HIKESHI: variants seen among roughly 807,000 people sequenced by gnomAD.
HIKESHI encodes protein Hikeshi.
A neutral mutation model predicts 25.7 loss-of-function variants in HIKESHI; 13 were observed. That is an observed-to-expected ratio of 0.51 (90% CI 0.33 to 0.80). HIKESHI has a LOEUF of 0.80. Among genes scored for constraint, HIKESHI ranks in the 30% least tolerant of loss-of-function variants. The pLI is 0.02. For missense variants in HIKESHI, 174 were observed against 229.5 expected (o/e 0.76, Z 1.56); for synonymous variants, 76 against 78.7 (o/e 0.97, Z 0.18).
chr11:86,317,670 G>A (rs1265948816), intron 2 of HIKESHI, among the ~76,000 whole-genome samples: 1 of 152,076 alleles, frequency 6.6e-6, no homozygotes, highest in Non-Finnish European at 1.5e-5. Flanking sequence ...GCTTGGTGTG[G>A]TGGTGCGCGC....
At chr11:86,309,450 T>A (rs1443331066) in intron 2 of HIKESHI, among the ~76,000 whole-genome samples, 1 of 152,166 alleles carries the variant, frequency 6.6e-6, no homozygotes, top group African/African-American at 2.4e-5. Flanking sequence ...GTTTAAGTTC[T>A]TTGTAGATTC....
intron 4 of HIKESHI, chr11:86,345,267 T>A (rs987646847): frequency 7.0e-6 from 3 of 429,228 alleles, no homozygotes; most frequent in Non-Finnish European, 6.8e-6. Context: ...ATCTGTGGAA[T>A]GAGGAAATAG....
chr11:86,307,805 A>AAAATATAATGTGTAATATACATTATAT (rs1565719720), intron 2 of HIKESHI, among the ~76,000 whole-genome samples: 12 of 116,180 alleles, frequency 1.0e-4, no homozygotes, highest in African/African-American at 4.4e-4. Flanking sequence ...TACATTATAT[A>AAAATATAATGTGTAATATACATTATAT]AAATATATAT....
intron 2 of HIKESHI, among the ~76,000 whole-genome samples, chr11:86,307,709 A>C (rs1189216368): frequency 1.0e-5 from 1 of 99,872 alleles, no homozygotes; most frequent in African/African-American, 4.2e-5. Context: ...TACATTATAT[A>C]AAATATATAT....
intron 2 of HIKESHI, among the ~76,000 whole-genome samples, chr11:86,318,951 C>G (rs180816864): frequency 1.3e-4 from 20 of 152,252 alleles, no homozygotes; most frequent in African/African-American, 4.8e-4. Context: ...GGATCTTACT[C>G]TGTTTTCCAG....
chr11:86,318,244 CA>C (rs1294780008), intron 2 of HIKESHI, among the ~76,000 whole-genome samples: 3 of 129,266 alleles, frequency 2.3e-5, no homozygotes, highest in Admixed American at 9.5e-5. Flanking sequence ...ACGGAGCTTG[CA>C]GTGAGCCAGG....
intron 2 of HIKESHI, among the ~76,000 whole-genome samples, chr11:86,317,862 A>G (rs34804864): frequency 6.6e-6 from 1 of 152,306 alleles, no homozygotes; most frequent in Admixed American, 6.5e-5. Flanking sequence ...AATGTGAAGA[A>G]CAATAACTAC....
At chr11:86,334,035 A>G (rs1187091877) in intron 2 of HIKESHI, among the ~76,000 whole-genome samples, 1 of 152,220 alleles carries the variant, frequency 6.6e-6, no homozygotes, top group Non-Finnish European at 1.5e-5. Context: ...GATGTGTTCC[A>G]TAAGACGCAT....
chr11:86,312,587 T>C (rs1396127500), intron 2 of HIKESHI, among the ~76,000 whole-genome samples: 2 of 152,214 alleles, frequency 1.3e-5, no homozygotes, highest in African/African-American at 4.8e-5. Flanking sequence ...GTGTGTGAAT[T>C]TGATCCTGTC....
intron 4 of HIKESHI, 119 bp from the exon 5 acceptor site, chr11:86,345,465 T>A (rs1947847709): frequency 1.6e-6 from 1 of 615,878 alleles, no homozygotes; most frequent in East Asian, 3.2e-5. Flanking sequence ...TCTTTTTAGA[T>A]TTTTTATAGC....
chr11:86,341,488 CT>C (rs112151717), intron 3 of HIKESHI, among the ~76,000 whole-genome samples: 206 of 142,808 alleles, frequency 1.4e-3, no homozygotes, highest in African/African-American at 4.3e-3. Flanking sequence ...TGGAATTCTC[CT>C]TTTTTTTTTT....
chr11:86,317,656 A>G (rs933290752), intron 2 of HIKESHI, among the ~76,000 whole-genome samples: 1 of 152,056 alleles, frequency 6.6e-6, no homozygotes, highest in Admixed American at 6.6e-5. Context: ...AATACAAAAA[A>G]TTAGCTTGGT....
intron 3 of HIKESHI, among the ~76,000 whole-genome samples, chr11:86,343,274 A>G (rs1434603246): frequency 6.6e-6 from 1 of 151,536 alleles, no homozygotes; most frequent in East Asian, 1.9e-4. Flanking sequence ...TTACACTTAA[A>G]AATTATTGTC....
At chr11:86,325,873 GA>G (rs35520236) in intron 2 of HIKESHI, among the ~76,000 whole-genome samples, 104,169 of 146,810 alleles carry the variant, frequency 0.71, 36,926 homozygotes, top group East Asian at 0.82. Context: ...CTCCGTCTCA[GA>G]AAAAAAAAAA....
At chr11:86,333,496 C>T (rs1947472257) in intron 2 of HIKESHI, among the ~76,000 whole-genome samples, 1 of 151,830 alleles carries the variant, frequency 6.6e-6, no homozygotes, top group African/African-American at 2.4e-5. Context: ...GATCGTCCTA[C>T]CGCACTCCAG....
intron 2 of HIKESHI, among the ~76,000 whole-genome samples, chr11:86,327,564 T>G (rs976330769): frequency 1.4e-4 from 21 of 152,146 alleles, no homozygotes; most frequent in African/African-American, 4.8e-4. Flanking sequence ...TCCACTCGCC[T>G]TGGCCTCTCA....
intron 2 of HIKESHI, among the ~76,000 whole-genome samples, chr11:86,315,941 G>C (rs1946966202): frequency 1.3e-5 from 2 of 151,976 alleles, no homozygotes; most frequent in African/African-American, 4.8e-5. Flanking sequence ...TTAAAAAGGA[G>C]AGTAATAATA....
At position 86,316,771 on chromosome 11, in the gene HIKESHI, C is replaced by CTTT. The variant is rs71040229; in HGVS notation, c.268+10327_268+10329dup. ...TTATGAGTAATGAATCTGAAACATTCTTTTTTTTTTTTTTTTTTTTTTTTT... is the reference window on the plus strand; with the variant it reads ...TTATGAGTAATGAATCTGAAACATTCTTTTTTTTTTTTTTTTTTTTTTTTTTTT... On this transcript the variant is annotated intron_variant, in intron 2 of 4. Transcript: ENST00000278483. Among the ~76,000 whole-genome samples, 26 of 68,790 alleles carry CTTT rather than the reference C, an allele frequency of 3.8e-4. 4 individuals are homozygous for CTTT. The highest frequency in any genetic ancestry group is 5.0e-4 in the African/African-American group (8 of 15,916). The allele number at this position is 68,790 out of a possible 152,430, so 45.1% of individuals were successfully genotyped here. A position where few individuals can be genotyped will look rare whatever the true frequency, so the allele number is the denominator to read the frequency against.
intron 2 of HIKESHI, among the ~76,000 whole-genome samples, chr11:86,325,770 G>T (rs974426334): frequency 5.3e-5 from 8 of 152,104 alleles, no homozygotes; most frequent in African/African-American, 1.7e-4. Context: ...TACTCGGGAG[G>T]GTGAAGCAGG....
Sources: allele counts gnomAD v4.1 joint callset (sites outside exome capture counted in the v4.1 genomes callset), GRCh38; gene constraint gnomAD v4.1.1; transcripts MANE v1.5; gene names NCBI Gene and HGNC (gene_info 2026-07-23, HGNC 2026-07-21).